Variants in NREP observed in about 807,000 individuals in gnomAD.
NREP encodes neuronal regeneration-related protein.
NREP carries 5 observed loss-of-function variants against 8.6 expected under a neutral mutation model. The ratio of observed to expected loss-of-function variants is 0.58; its 90% CI spans 0.30 to 1.22. The LOEUF (loss-of-function observed/expected upper bound fraction) is 1.22, where lower values mean the gene tolerates loss of function less well. Ranked by LOEUF, NREP falls within the 50% of genes most tolerant of loss-of-function variation. The pLI is 0.07. For synonymous variants in NREP, 27 were observed against 28.0 expected (o/e 0.96, Z 0.11); for missense variants, 86 against 82.5 (o/e 1.04, Z -0.17).
intron 2 of NREP, among the ~76,000 whole-genome samples, chr5:111,806,510 G>A (rs1418345751): frequency 6.6e-6 from 1 of 152,192 alleles, no homozygotes; most frequent in East Asian, 1.9e-4. Context: ...GAATATGGAA[G>A]AGAAAAATGA....
chr5:111,729,081 C>G (rs537009053), downstream of NREP: 29 of 152,300 alleles, frequency 1.9e-4, no homozygotes, highest in Admixed American at 1.6e-3. Flanking sequence ...TGTCCAGAGG[C>G]AGCTCTGCAA....
intron 2 of NREP, among the ~76,000 whole-genome samples, chr5:111,938,542 G>A (rs763221148): frequency 2.1e-3 from 320 of 152,154 alleles, no homozygotes; most frequent in Middle Eastern, 0.01. Flanking sequence ...ATCAGAGTAT[G>A]GACTCTGTAG....
In NREP at chr5:111,936,898, G is replaced by A. The variant is rs554338679; in HGVS notation, c.135+38376C>T. Among the ~76,000 whole-genome samples the A allele has an allele frequency of 9.9e-5, 15 of 152,156 alleles. No individual in the cohort carries two copies. In the South Asian group the frequency reaches 1.0e-3, roughly 11 times the overall value. ...CTAACACAAGGTGCTATTTTCATGC[G>A]CAAGAACCGAATTATTCTCACTCAT... On this transcript the variant is annotated intron_variant, in intron 2 of 3. Coordinates refer to the NREP transcript ENST00000395634.
intron 2 of NREP, among the ~76,000 whole-genome samples, chr5:111,876,626 G>C (rs1013870380): frequency 3.3e-5 from 5 of 152,160 alleles, no homozygotes; most frequent in Non-Finnish European, 7.3e-5. Context: ...CCAATGTGAG[G>C]AAAGACCATC....
intron 2 of NREP, among the ~76,000 whole-genome samples, chr5:111,853,185 G>C (rs1753350275): frequency 6.6e-6 from 1 of 152,046 alleles, no homozygotes. Flanking sequence ...TCTAGGAAAG[G>C]CAAAACTATA....
At chr5:111,909,349 T>A (rs919155043) in intron 2 of NREP, among the ~76,000 whole-genome samples, 5 of 152,046 alleles carry the variant, frequency 3.3e-5, no homozygotes, top group Non-Finnish European at 7.4e-5. Context: ...GTTTAAGACA[T>A]GCAGAACAAA....
At chr5:111,966,703 G>C (rs1756652666) in intron 2 of NREP, among the ~76,000 whole-genome samples, 1 of 151,890 alleles carries the variant, frequency 6.6e-6, no homozygotes, top group African/African-American at 2.4e-5. Context: ...GAAAATGAAG[G>C]CAAGAAATTC....
At chr5:111,745,436 G>A (rs1749941504) in intron 2 of NREP, among the ~76,000 whole-genome samples, 1 of 152,134 alleles carries the variant, frequency 6.6e-6, no homozygotes, top group African/African-American at 2.4e-5. Flanking sequence ...ATGTTCCCTG[G>A]AAGGAAATGT....
chr5:111,730,756 G>T lies in NREP; in HGVS notation c.*165C>A. 2 of 743,076 alleles carry T rather than the reference G, an allele frequency of 2.7e-6. No homozygotes were observed. The highest frequency in any genetic ancestry group is 2.5e-5 in the Admixed American group (1 of 39,416). The allele number at this position is 743,076 out of a possible 1,614,324, so 46.0% of individuals were successfully genotyped here. ...CTTGAGTCAGAATGATTAAAAACTG[G>T]TTTGATGACACCTATTTGTCCACTG... On this transcript the variant is annotated 3_prime_UTR_variant, in exon 4 of 4. Coordinates refer to ENST00000257435, the MANE Select transcript of NREP (RefSeq NM_004772.4).
At chr5:111,858,574 C>A (rs1434609817) in intron 2 of NREP, among the ~76,000 whole-genome samples, 2 of 152,070 alleles carry the variant, frequency 1.3e-5, no homozygotes, top group Non-Finnish European at 2.9e-5. Context: ...CGCTTCAGCC[C>A]AGGAATTCAA....
chr5:111,743,264 G>GAA (rs397817022), intron 2 of NREP, among the ~76,000 whole-genome samples: 36 of 144,444 alleles, frequency 2.5e-4, no homozygotes, highest in Admixed American at 8.9e-4. Context: ...CTTTAGTGAA[G>GAA]AAAAAAAAAA....
intron 2 of NREP, among the ~76,000 whole-genome samples, chr5:111,932,117 CA>C (rs57518070): frequency 0.51 from 59,331 of 115,448 alleles, 12,016 homozygotes; most frequent in South Asian, 0.61. Flanking sequence ...AGACTTTTTG[CA>C]AAAAAAAAAA....
intron 2 of NREP, among the ~76,000 whole-genome samples, chr5:111,961,520 T>C (rs1159862842): frequency 6.6e-6 from 1 of 152,240 alleles, no homozygotes; most frequent in Non-Finnish European, 1.5e-5. Context: ...GAAAATATTC[T>C]AGTTTCATTT....
At chr5:111,810,238 A>G (rs1170982212) in intron 2 of NREP, among the ~76,000 whole-genome samples, 1 of 152,144 alleles carries the variant, frequency 6.6e-6, no homozygotes, top group African/African-American at 2.4e-5. Flanking sequence ...ACTGTGAGGA[A>G]GAAGCAGAAA....
intron 2 of NREP, among the ~76,000 whole-genome samples, chr5:111,813,303 C>T (rs998514870): frequency 1.3e-5 from 2 of 152,074 alleles, no homozygotes; most frequent in African/African-American, 2.4e-5. Flanking sequence ...AAAAAGTCTC[C>T]TTTTGTTGTT....
At chr5:111,958,828 G>T (rs1210874635) in intron 2 of NREP, among the ~76,000 whole-genome samples, 1 of 151,494 alleles carries the variant, frequency 6.6e-6, no homozygotes, top group Non-Finnish European at 1.5e-5. Context: ...TGAATATCAA[G>T]AATTTTTTTA....
chr5:111,791,377 T>G (rs969615951), intron 2 of NREP, among the ~76,000 whole-genome samples: 1 of 152,202 alleles, frequency 6.6e-6, no homozygotes. Context: ...CACCACCATC[T>G]TCCCCCAGTA....
chr5:111,777,991 C>G (rs1751404472), intron 2 of NREP, among the ~76,000 whole-genome samples: 1 of 151,984 alleles, frequency 6.6e-6, no homozygotes, highest in Non-Finnish European at 1.5e-5. Context: ...TGTTAAACAG[C>G]AAAATATCAA....
At chr5:111,774,278 A>G (rs906016879) in intron 2 of NREP, among the ~76,000 whole-genome samples, 1 of 151,846 alleles carries the variant, frequency 6.6e-6, no homozygotes, top group Non-Finnish European at 1.5e-5. Flanking sequence ...GGAGGGAGAG[A>G]AGAAGGGAGA....
Sources: gnomAD v4.1 joint callset for allele counts (sites outside exome capture counted in the v4.1 genomes callset) on GRCh38, gnomAD v4.1.1 for gene constraint, MANE v1.5 for transcripts, NCBI Gene and HGNC (gene_info 2026-07-23, HGNC 2026-07-21) for gene names.